Variants in EML6 observed in about 807,000 individuals in gnomAD.
EML6 encodes the protein EMAP like 6.
EML6 carries 154 observed loss-of-function variants against 240.1 expected under a neutral mutation model. The observed-to-expected ratio is 0.64, with a 90% CI of 0.56 to 0.73. The LOEUF (loss-of-function observed/expected upper bound fraction) is 0.73, where lower values mean the gene tolerates loss of function less well. Ranked by LOEUF, EML6 falls within the 30% of genes least tolerant of loss-of-function variation. The pLI, the probability that EML6 is intolerant of heterozygous loss-of-function variation, is 0.00. For missense variants in EML6, 2,964 were observed against 2,474.6 expected, an observed-to-expected ratio of 1.20 and a Z score of -4.20; for synonymous variants, 1,148 against 899.0, an observed-to-expected ratio of 1.28 and a Z score of -4.95.
chr2:54,859,511 C>T (rs932633301), intron 11 of EML6, 23 bp from the exon 12 acceptor site: 100 of 1,540,594 alleles, frequency 6.5e-5, no homozygotes, highest in Middle Eastern at 5.0e-4. Flanking sequence ...CATAACTAAT[C>T]CTCTCAAAAA....
chr2:54,759,882 A>G (rs1015729948), intron 2 of EML6, among the ~76,000 whole-genome samples: 1 of 150,572 alleles, frequency 6.6e-6, no homozygotes, highest in African/African-American at 2.4e-5. Flanking sequence ...ATATATATAT[A>G]TAAAATCTTT....
chr2:54,918,206 C>G (rs994872615), intron 26 of EML6, among the ~76,000 whole-genome samples: 2 of 152,182 alleles, frequency 1.3e-5, no homozygotes, highest in African/African-American at 4.8e-5. Context: ...AGCATTTTCT[C>G]TCCCTTGCAG....
intron 3 of EML6, among the ~76,000 whole-genome samples, chr2:54,815,205 C>A (rs1668028565): frequency 1.3e-5 from 2 of 152,144 alleles, no homozygotes; most frequent in African/African-American, 2.4e-5. Flanking sequence ...TAGCTATTCT[C>A]CTTTAGGTTT....
chr2:54,798,382 C>T (rs943455077), intron 2 of EML6, among the ~76,000 whole-genome samples: 5 of 152,082 alleles, frequency 3.3e-5, no homozygotes, highest in East Asian at 1.9e-4. Context: ...ACCATGTTTG[C>T]CAGGCTGGTC....
intron 8 of EML6, 92 bp from the exon 9 acceptor site, chr2:54,847,394 G>A (rs1360499733): frequency 1.5e-6 from 2 of 1,333,112 alleles, no homozygotes; most frequent in East Asian, 2.5e-5. Context: ...TCTTGTTACT[G>A]TTGGTGTGGT....
chr2:54,887,022 C>A (rs1672184567), intron 17 of EML6, among the ~76,000 whole-genome samples: 1 of 152,142 alleles, frequency 6.6e-6, no homozygotes, highest in East Asian at 1.9e-4. Flanking sequence ...TTTTATTATT[C>A]CCATTATCTG....
At chr2:54,791,198 T>C (rs1031896668) in intron 2 of EML6, among the ~76,000 whole-genome samples, 4 of 152,116 alleles carry the variant, frequency 2.6e-5, no homozygotes, top group African/African-American at 9.7e-5. Flanking sequence ...CTGCTTCTCC[T>C]GAGTTGCACG....
chr2:54,928,833 C>A, intron 28 of EML6, 82 bp downstream of exon 28: 1 of 1,479,270 alleles, frequency 6.8e-7, no homozygotes, highest in South Asian at 1.2e-5. Context: ...TTTCTTTGCC[C>A]TCAAAGTTGC....
At chr2:54,787,863 T>G (rs1035896336) in intron 2 of EML6, among the ~76,000 whole-genome samples, 1 of 152,098 alleles carries the variant, frequency 6.6e-6, no homozygotes, top group East Asian at 1.9e-4. Context: ...CATCAATTTT[T>G]AGGCCAGACC....
chr2:54,902,161 TA>T (rs140711684), intron 22 of EML6, among the ~76,000 whole-genome samples: 31,922 of 151,960 alleles, frequency 0.21, 3,858 homozygotes, highest in Middle Eastern at 0.32. Flanking sequence ...GCTTAATATT[TA>T]AAAAAAATGG....
At chr2:54,897,586 A>G (rs998651323) in intron 21 of EML6, among the ~76,000 whole-genome samples, 1 of 152,182 alleles carries the variant, frequency 6.6e-6, no homozygotes, top group African/African-American at 2.4e-5. Context: ...CTTAGCTTGG[A>G]CACTTCAGGA....
intron 26 of EML6, among the ~76,000 whole-genome samples, chr2:54,922,545 T>C: frequency 6.6e-6 from 1 of 152,218 alleles, no homozygotes; most frequent in East Asian, 1.9e-4. Context: ...TCTGGGTATA[T>C]ATCCAAAGGA....
intron 17 of EML6, among the ~76,000 whole-genome samples, chr2:54,886,222 G>A (rs1672132645): frequency 7.0e-6 from 1 of 142,524 alleles, no homozygotes; most frequent in South Asian, 2.2e-4. Flanking sequence ...CTGGAGTGCA[G>A]TGGCGTGATC....
At chr2:54,790,771 G>T (rs1356051519) in intron 2 of EML6, among the ~76,000 whole-genome samples, 1 of 147,164 alleles carries the variant, frequency 6.8e-6, no homozygotes, top group Non-Finnish European at 1.5e-5. Context: ...TGTCGCCCAG[G>T]CTGGAGTGCA....
chr2:54,848,925 C>T (rs1669920036), intron 9 of EML6, among the ~76,000 whole-genome samples: 2 of 152,142 alleles, frequency 1.3e-5, no homozygotes. Context: ...TTTTGACTTG[C>T]TCTTTTTGCG....
chr2:54,899,881 T>C (rs1040212291), intron 22 of EML6, 99 bp downstream of exon 22: 10 of 1,170,090 alleles, frequency 8.5e-6, no homozygotes, highest in Middle Eastern at 2.0e-4. Flanking sequence ...GCACGTGTTA[T>C]ATGCCCATAA....
At chr2:54,835,812 G>C (rs754160552) in intron 7 of EML6, among the ~76,000 whole-genome samples, 14 of 152,166 alleles carry the variant, frequency 9.2e-5, no homozygotes, top group Non-Finnish European at 1.9e-4. Flanking sequence ...GCTGCTAAAA[G>C]TATTACAGTG....
intron 2 of EML6, among the ~76,000 whole-genome samples, chr2:54,753,876 C>T (rs774677297): frequency 6.6e-6 from 1 of 151,932 alleles, no homozygotes; most frequent in Non-Finnish European, 1.5e-5. Context: ...ATGGCTCACA[C>T]CTGTAATCCC....
chr2:54,731,552 G>A (rs1479265875), intron 2 of EML6, among the ~76,000 whole-genome samples: 1 of 152,024 alleles, frequency 6.6e-6, no homozygotes, highest in Non-Finnish European at 1.5e-5. Context: ...GGAAGGTCAA[G>A]ACTGCAATGT....
Sources: allele counts gnomAD v4.1 joint callset (sites outside exome capture counted in the v4.1 genomes callset), GRCh38; gene constraint gnomAD v4.1.1; transcripts MANE v1.5; gene names NCBI Gene and HGNC (gene_info 2026-07-23, HGNC 2026-07-21).